Variants in HCRTR2 observed in about 807,000 individuals in gnomAD.
HCRTR2 encodes orexin receptor type 2.
HCRTR2 carries 22 observed loss-of-function variants against 49.0 expected under a neutral mutation model. The observed-to-expected ratio is 0.45, with a 90% CI of 0.32 to 0.64. The LOEUF (loss-of-function observed/expected upper bound fraction) is 0.64. HCRTR2 is among the 30% of genes least tolerant of loss of function. HCRTR2 has a pLI of 0.04. For synonymous variants in HCRTR2, 236 were observed against 205.3 expected, an observed-to-expected ratio of 1.15 and a Z score of -1.28; for missense variants, 491 against 559.4, an observed-to-expected ratio of 0.88 and a Z score of 1.23.
At chr6:55,284,240 G>C (rs958817625), downstream of HCRTR2, among the ~76,000 whole-genome samples, 5 of 152,070 alleles carry the variant, frequency 3.3e-5, no homozygotes, top group African/African-American at 1.2e-4. Flanking sequence ...AGAGGGAAAG[G>C]GGGAGAGAAG....
At chr6:55,137,239 C>T (rs7761785) in intron 1 of HCRTR2, among the ~76,000 whole-genome samples, 94,381 of 151,966 alleles carry the variant, frequency 0.62, 30,478 homozygotes, top group African/African-American at 0.73. Context: ...AAAAACCCTT[C>T]AGAGTAGATA....
chr6:55,120,255 C>T (rs903411905), intron 1 of HCRTR2, among the ~76,000 whole-genome samples: 19 of 151,754 alleles, frequency 1.3e-4, no homozygotes, highest in African/African-American at 3.4e-4. Flanking sequence ...GCTATGTGGG[C>T]CCTTTTTTGG....
intron 3 of HCRTR2, among the ~76,000 whole-genome samples, chr6:55,261,381 A>G (rs1320117909): frequency 2.0e-5 from 3 of 152,082 alleles, no homozygotes; most frequent in Non-Finnish European, 1.5e-5. Context: ...AATCAAAACC[A>G]CAATGCAATA....
At chr6:55,261,369 C>G (rs1308249146) in intron 3 of HCRTR2, among the ~76,000 whole-genome samples, 6 of 152,160 alleles carry the variant, frequency 3.9e-5, no homozygotes, top group Admixed American at 2.6e-4. Flanking sequence ...CAGGGAAATG[C>G]AAATCAAAAC....
intron 1 of HCRTR2, among the ~76,000 whole-genome samples, chr6:55,124,034 G>T (rs1210009241): frequency 6.6e-6 from 1 of 151,268 alleles, no homozygotes; most frequent in Non-Finnish European, 1.5e-5. Flanking sequence ...TGTCTGTCTA[G>T]CAGTCTATTT....
chr6:55,284,289 T>C (rs1282376561), downstream of HCRTR2, among the ~76,000 whole-genome samples: 2 of 152,130 alleles, frequency 1.3e-5, no homozygotes, highest in Non-Finnish European at 2.9e-5. Flanking sequence ...ATGTGACGTA[T>C]GGGAAGTCAG....
intron 1 of HCRTR2, among the ~76,000 whole-genome samples, chr6:55,219,295 G>C (rs371507204): frequency 2.6e-5 from 4 of 152,242 alleles, no homozygotes; most frequent in African/African-American, 9.6e-5. Context: ...CATATGCTGT[G>C]TCACAAAACA....
At chr6:55,244,520 A>T (rs1489980151) in intron 1 of HCRTR2, among the ~76,000 whole-genome samples, 1 of 152,074 alleles carries the variant, frequency 6.6e-6, no homozygotes, top group Non-Finnish European at 1.5e-5. Flanking sequence ...GATTTCAAGC[A>T]TAATTAATGG....
intron 1 of HCRTR2, among the ~76,000 whole-genome samples, chr6:55,207,141 C>T (rs555979843): frequency 6.6e-6 from 1 of 151,984 alleles, no homozygotes; most frequent in Non-Finnish European, 1.5e-5. Context: ...GAGATGGAGT[C>T]TCGTTGCTAT....
intron 1 of HCRTR2, among the ~76,000 whole-genome samples, chr6:55,215,577 G>A (rs1342582172): frequency 6.6e-6 from 1 of 151,982 alleles, no homozygotes; most frequent in Non-Finnish European, 1.5e-5. Context: ...TCCTGGTATA[G>A]AAGTTAAAAA....
intron 1 of HCRTR2, among the ~76,000 whole-genome samples, chr6:55,241,683 C>A (rs113764848): frequency 3.5e-4 from 53 of 151,948 alleles, no homozygotes; most frequent in African/African-American, 1.3e-3. Context: ...TATATTGGAA[C>A]TAAGGTTTTT....
chr6:55,254,764 GT>G (rs71683862), intron 2 of HCRTR2, among the ~76,000 whole-genome samples: 2,484 of 144,334 alleles, frequency 0.017, 59 homozygotes, highest in African/African-American at 0.058. Flanking sequence ...AAACATATGT[GT>G]TTTTTTTTTT....
chr6:55,116,931 C>T (rs1764126638), intron 1 of HCRTR2, among the ~76,000 whole-genome samples: 1 of 151,702 alleles, frequency 6.6e-6, no homozygotes, highest in Non-Finnish European at 1.5e-5. Context: ...GCTTTCCTCA[C>T]TCATTAGAGA....
chr6:55,176,519 G>T (rs1402319309), intron 1 of HCRTR2, among the ~76,000 whole-genome samples: 2 of 152,142 alleles, frequency 1.3e-5, no homozygotes, highest in Admixed American at 1.3e-4. Flanking sequence ...TTATTGATAA[G>T]TGAATAATCA....
At chr6:55,184,701 T>C (rs949820526) in intron 1 of HCRTR2, among the ~76,000 whole-genome samples, 1 of 152,250 alleles carries the variant, frequency 6.6e-6, no homozygotes, top group African/African-American at 2.4e-5. Flanking sequence ...GTGGATAGTT[T>C]AGAAGCTTTT....
At chr6:55,181,821 G>A (rs1053477057) in intron 1 of HCRTR2, among the ~76,000 whole-genome samples, 1 of 152,206 alleles carries the variant, frequency 6.6e-6, no homozygotes, top group Non-Finnish European at 1.5e-5. Context: ...TCTTTGATAT[G>A]TGATTGTGTC....
At chr6:55,174,844 T>G in intron 1 of HCRTR2, 34 bp downstream of exon 1, 1 of 1,556,690 alleles carries the variant, frequency 6.4e-7, no homozygotes, top group Non-Finnish European at 8.9e-7. Flanking sequence ...TCCTAGGGGC[T>G]ATCACCCCCT....
intron 1 of HCRTR2, among the ~76,000 whole-genome samples, chr6:55,216,429 C>A (rs901440264): frequency 6.6e-6 from 1 of 152,102 alleles, no homozygotes; most frequent in African/African-American, 2.4e-5. Context: ...TGGGCAGGTT[C>A]CCTTTCAGTT....
Position 55,282,534 on chromosome 6 carries a change from A to G in HCRTR2, c.*80A>G, listed in dbSNP as rs202235833. 1.0e-5 allele frequency: 8 copies of G among 788,348 alleles called. No individual in the cohort carries two copies. The highest frequency in any genetic ancestry group is 1.3e-5 in the Non-Finnish European group (6 of 467,068). The allele number at this position is 788,348 out of a possible 1,614,324, so 48.8% of individuals were successfully genotyped here. Reference sequence around the variant, plus strand: ...CTGGGAACAGAAATTTTATTATCCTATGATGTGAAGCTAAAATTACTTGTG... The same window carrying G: ...CTGGGAACAGAAATTTTATTATCCTGTGATGTGAAGCTAAAATTACTTGTG... On this transcript the variant is annotated 3_prime_UTR_variant, in exon 7 of 7. Coordinates refer to ENST00000370862, the MANE Select transcript of HCRTR2 (RefSeq NM_001384272.1).
Sources: allele counts gnomAD v4.1 joint callset (sites outside exome capture counted in the v4.1 genomes callset), GRCh38; gene constraint gnomAD v4.1.1; transcripts MANE v1.5; gene names NCBI Gene and HGNC (gene_info 2026-07-23, HGNC 2026-07-21).